GRID2: variants seen among roughly 807,000 people sequenced by gnomAD.
GRID2 encodes glutamate ionotropic receptor delta type subunit 2, also known as glutamate receptor ionotropic, delta-2.
GRID2 carries 33 observed loss-of-function variants against 114.8 expected under a neutral mutation model. That is an observed-to-expected ratio of 0.29 (90% CI 0.22 to 0.38). The LOEUF is 0.38. Ranked by LOEUF, GRID2 falls within the 10% of genes least tolerant of loss-of-function variation. The pLI, the probability that GRID2 is intolerant of heterozygous loss-of-function variation, is 1.00. For synonymous variants in GRID2, 505 were observed against 449.9 expected, an observed-to-expected ratio of 1.12 and a Z score of -1.55; for missense variants, 1,184 against 1,257.7, an observed-to-expected ratio of 0.94 and a Z score of 0.89.
At chr4:93,058,487 A>G (rs1324271371) in intron 2 of GRID2, among the ~76,000 whole-genome samples, 3 of 151,988 alleles carry the variant, frequency 2.0e-5, no homozygotes, top group Non-Finnish European at 4.4e-5. Context: ...TAGTTCAACT[A>G]CTAAGAGGCA....
At chr4:93,681,654 A>G (rs1232635177) in intron 14 of GRID2, among the ~76,000 whole-genome samples, 1 of 152,232 alleles carries the variant, frequency 6.6e-6, no homozygotes, top group Non-Finnish European at 1.5e-5. Flanking sequence ...ATCTTTGACA[A>G]ACCTGACAAA....
At chr4:92,779,788 G>T (rs1387270173) in intron 2 of GRID2, among the ~76,000 whole-genome samples, 1 of 152,100 alleles carries the variant, frequency 6.6e-6, no homozygotes, top group Non-Finnish European at 1.5e-5. Flanking sequence ...AATAAAGTCA[G>T]GGCTTTGTTA....
At chr4:93,556,760 C>T (rs145715715) in intron 13 of GRID2, among the ~76,000 whole-genome samples, 129 of 152,150 alleles carry the variant, frequency 8.5e-4, no homozygotes, top group African/African-American at 2.8e-3. Context: ...CACAATGATA[C>T]GCCTCGAGAA....
intron 1 of GRID2, among the ~76,000 whole-genome samples, chr4:92,544,201 C>CT (rs1425692790): frequency 6.6e-6 from 1 of 152,052 alleles, no homozygotes; most frequent in Non-Finnish European, 1.5e-5. Flanking sequence ...TGACTGTTTG[C>CT]TTAAAAGGAA....
intron 13 of GRID2, among the ~76,000 whole-genome samples, chr4:93,576,961 C>A (rs369982533): frequency 2.6e-5 from 4 of 152,096 alleles, no homozygotes; most frequent in African/African-American, 9.7e-5. Flanking sequence ...TCTGTTTTCT[C>A]ATTGATCCAG....
chr4:93,534,149 C>T (rs932936521), intron 13 of GRID2, among the ~76,000 whole-genome samples: 2 of 152,108 alleles, frequency 1.3e-5, no homozygotes, highest in African/African-American at 4.8e-5. Flanking sequence ...CAGAAACTTT[C>T]CCTGACTTCC....
intron 3 of GRID2, among the ~76,000 whole-genome samples, chr4:93,097,366 T>C (rs2149336130): frequency 6.6e-6 from 1 of 151,982 alleles, no homozygotes; most frequent in Admixed American, 6.6e-5. Context: ...AAAAACAATT[T>C]ACAGAAATAT....
chr4:93,713,525 G>A (rs1010665170), intron 14 of GRID2, among the ~76,000 whole-genome samples: 2 of 151,702 alleles, frequency 1.3e-5, no homozygotes, highest in Non-Finnish European at 2.9e-5. Context: ...AGATACAATG[G>A]TGAAAAAGAC....
intron 1 of GRID2, among the ~76,000 whole-genome samples, chr4:92,576,015 C>T (rs931492494): frequency 6.6e-6 from 1 of 152,212 alleles, no homozygotes; most frequent in Admixed American, 6.5e-5. Context: ...CCGCCTCTGC[C>T]CATTGGCTTG....
chr4:93,177,787 A>T (rs1418235758), intron 4 of GRID2, among the ~76,000 whole-genome samples: 1 of 152,146 alleles, frequency 6.6e-6, no homozygotes, highest in Non-Finnish European at 1.5e-5. Context: ...CCTTTATAAT[A>T]AAATTATTTT....
intron 14 of GRID2, among the ~76,000 whole-genome samples, chr4:93,630,017 A>G (rs1268021610): frequency 6.6e-5 from 10 of 152,210 alleles, no homozygotes; most frequent in African/African-American, 2.4e-4. Context: ...CATGGGTTAT[A>G]TCAATACACT....
At chr4:92,868,032 C>G in intron 2 of GRID2, among the ~76,000 whole-genome samples, 1 of 120,376 alleles carries the variant, frequency 8.3e-6, no homozygotes, top group East Asian at 2.5e-4. Flanking sequence ...TTCTTTCTTT[C>G]TTTCTTTCTT....
chr4:92,981,579 G>A (rs1382985836), intron 2 of GRID2, among the ~76,000 whole-genome samples: 1 of 151,860 alleles, frequency 6.6e-6, no homozygotes, highest in East Asian at 1.9e-4. Context: ...GTATCTTTAT[G>A]GATTAAAAGT....
At chr4:93,605,816 G>A (rs1740173491) in intron 13 of GRID2, among the ~76,000 whole-genome samples, 1 of 152,224 alleles carries the variant, frequency 6.6e-6, no homozygotes, top group African/African-American at 2.4e-5. Context: ...AATGCAATGT[G>A]CTAAAATGCT....
chr4:93,008,080 T>C (rs1208872774), intron 2 of GRID2, among the ~76,000 whole-genome samples: 1 of 148,970 alleles, frequency 6.7e-6, no homozygotes, highest in African/African-American at 2.5e-5. Flanking sequence ...AGGTAATAGA[T>C]GGCAGTCAAT....
At chr4:92,346,861 T>G (rs2110174568) in intron 1 of GRID2, among the ~76,000 whole-genome samples, 1 of 152,316 alleles carries the variant, frequency 6.6e-6, no homozygotes, top group South Asian at 2.1e-4. Flanking sequence ...ATTTAAAGAT[T>G]TTACTTCTAA....
intron 2 of GRID2, among the ~76,000 whole-genome samples, chr4:92,928,897 A>C (rs755854561): frequency 1.3e-5 from 2 of 151,446 alleles, no homozygotes; most frequent in African/African-American, 4.8e-5. Flanking sequence ...TTGGCAACAT[A>C]TAGCAGTTTT....
chr4:93,807,539 A>G (rs1735055830), exon 2 of GRID2: 1 of 152,124 alleles, frequency 6.6e-6, no homozygotes, highest in African/African-American at 2.4e-5. Context: ...ATTCCTGGCT[A>G]ATGTAGAGCC....
intron 14 of GRID2, among the ~76,000 whole-genome samples, chr4:93,659,441 T>G (rs2149734876): frequency 6.6e-6 from 1 of 152,290 alleles, no homozygotes; most frequent in Middle Eastern, 3.4e-3. Context: ...CATCTTTTGG[T>G]TATGTTCATC....
Sources: gnomAD v4.1 joint callset for allele counts (sites outside exome capture counted in the v4.1 genomes callset) on GRCh38, gnomAD v4.1.1 for gene constraint, MANE v1.5 for transcripts, NCBI Gene and HGNC (gene_info 2026-07-23, HGNC 2026-07-21) for gene names.